Variants in AR observed in about 807,000 individuals in gnomAD.
AR encodes the protein dihydrotestosterone receptor.
A neutral mutation model predicts 53.9 loss-of-function variants in AR; 8 were observed. That is an observed-to-expected ratio of 0.15 (90% CI 0.09 to 0.27). The LOEUF (loss-of-function observed/expected upper bound fraction) is 0.27, where lower values mean the gene tolerates loss of function less well. AR is among the 10% of genes least tolerant of loss of function. The pLI, the probability that AR is intolerant of heterozygous loss-of-function variation, is 1.00. For synonymous variants in AR, 359 were observed against 316.4 expected, an observed-to-expected ratio of 1.13 and a Z score of -1.43; for missense variants, 639 against 742.5, an observed-to-expected ratio of 0.86 and a Z score of 1.62.
intron 2 of AR, among the ~76,000 whole-genome samples, chrX:67,654,150 C>A (rs1248819486): frequency 9.0e-6 from 1 of 110,577 alleles, no homozygotes; most frequent in Non-Finnish European, 1.9e-5. Context: ...CTTTTGTATG[C>A]CTCTATAAGG....
chrX:67,683,358 T>G (rs2075947208), intron 2 of AR, among the ~76,000 whole-genome samples: 1 of 111,253 alleles, frequency 9.0e-6, no homozygotes, highest in Non-Finnish European at 1.9e-5. Flanking sequence ...TTATTTTGGA[T>G]AGTTTCTTGC....
chrX:67,704,774 T>A, intron 3 of AR, among the ~76,000 whole-genome samples: 1 of 112,279 alleles, frequency 8.9e-6, no homozygotes, highest in African/African-American at 3.2e-5. Context: ...GTTTTATGGT[T>A]TTAGGTCTAA....
chrX:67,636,222 T>A (rs1925428889), intron 1 of AR, among the ~76,000 whole-genome samples: 2 of 111,155 alleles, frequency 1.8e-5, no homozygotes, highest in Middle Eastern at 9.3e-3. Flanking sequence ...GTCAATATTT[T>A]AAAAATAAGA....
intron 1 of AR, among the ~76,000 whole-genome samples, chrX:67,604,809 T>C (rs1923554358): frequency 8.9e-6 from 1 of 112,038 alleles, no homozygotes; most frequent in African/African-American, 3.2e-5. Flanking sequence ...ATAATTATGG[T>C]ACAGAATGTA....
In AR at chrX:67,609,797, A is replaced by C. The variant is rs188921337; in HGVS notation, c.1617-33459A>C. Among the ~76,000 whole-genome samples, 24 of 111,851 alleles carry C rather than the reference A, an allele frequency of 2.1e-4. No homozygotes were observed. The East Asian group carries it at 5.6e-3, about 26-fold the overall frequency. ...ATATAATTCAGACGTATTCTCCGAA[A>C]TGTTGGAAAAACTTAAGTAGGCATC... On this transcript the variant is annotated intron_variant, in intron 1 of 7. Transcript: ENST00000374690.
intron 1 of AR, among the ~76,000 whole-genome samples, chrX:67,629,584 A>T (rs1924940873): frequency 9.2e-6 from 1 of 108,990 alleles, no homozygotes; most frequent in African/African-American, 3.4e-5. Context: ...CTTTCAAAAA[A>T]CCACCTCCTG....
intron 1 of AR, among the ~76,000 whole-genome samples, chrX:67,630,384 A>T (rs1925010177): frequency 9.0e-6 from 1 of 111,406 alleles, no homozygotes; most frequent in African/African-American, 3.3e-5. Flanking sequence ...TCCCTTTACC[A>T]TTATGTAATG....
intron 3 of AR, chrX:67,695,708 C>T (rs938860949): frequency 2.7e-6 from 2 of 747,124 alleles, no homozygotes; most frequent in Non-Finnish European, 3.1e-6. Flanking sequence ...TGCCTGGGGC[C>T]TGTCTTTCCC....
intron 6 of AR, 101 bp downstream of exon 6, chrX:67,722,064 G>A (rs2076138349): frequency 1.0e-6 from 1 of 995,918 alleles, no homozygotes; most frequent in Admixed American, 2.5e-5. Context: ...CCAGCTCCTG[G>A]ACATTTCCCT....
At chrX:67,568,842 C>A in intron 1 of AR, 1 of 1,144,942 alleles carries the variant, frequency 8.7e-7, no homozygotes, top group Non-Finnish European at 1.2e-6. Flanking sequence ...CCAGTAGGTG[C>A]TGCGAGCAGA....
At chrX:67,585,098 A>G (rs186039886) in intron 1 of AR, among the ~76,000 whole-genome samples, 3 of 110,594 alleles carry the variant, frequency 2.7e-5, no homozygotes, top group East Asian at 5.8e-4. Flanking sequence ...TCTACTAAAA[A>G]TACAAAAATT....
chrX:67,692,439 C>A, intron 3 of AR, among the ~76,000 whole-genome samples: 1 of 112,410 alleles, frequency 8.9e-6, no homozygotes, highest in South Asian at 3.7e-4. Context: ...TCAACATGTG[C>A]AACTTGTGAC....
rs1929646264 is a variant in AR, at chrX:67,545,285, G to T, written c.139G>T (p.Ala47Ser). 8.3e-7 allele frequency: 1 copy of T among 1,200,681 alleles called. No homozygotes were observed. Among genetic ancestry groups the T allele is most frequent in the Non-Finnish European group, 1.1e-6 (1 of 892,030 alleles). ...CCCCAGGCACCCAGAGGCCGCGAGCGCAGCACCTCCCGGCGCCAGTTTGCT... is the reference window on the plus strand; with the variant it reads ...CCCCAGGCACCCAGAGGCCGCGAGCTCAGCACCTCCCGGCGCCAGTTTGCT... The part of the protein sequence containing the change: ...PGPRHPEAAS[A>S]APPGASLLLL... The change falls in exon 1 of 8, where the codon GCA becomes TCA. Residue 47 changes from alanine (A) to serine (S), a missense_variant. Ala to Ser is a moderately conservative substitution (Grantham distance 99). Coordinates refer to ENST00000374690, the MANE Select transcript of AR (RefSeq NM_000044.6).
At position 67,695,110 on chromosome X, in the gene AR, C is replaced by T. The variant is rs987407904; in HGVS notation, c.1885+8984C>T. ...AGCTCTGGCTCAGTCGCTTGCTTTT[C>T]GTGGTGTGCTGCCAGGAAGAAACTT... On this transcript the variant is annotated intron_variant, in intron 3 of 7. Coordinates refer to ENST00000374690, the MANE Select transcript of AR (RefSeq NM_000044.6). 2.5e-5 allele frequency: 19 copies of T among 767,126 alleles called. No homozygotes were observed. In the Admixed American group the frequency reaches 1.2e-3, roughly 47 times the overall value. The allele number at this position is 767,126 out of a possible 1,213,427, so 63.2% of individuals were successfully genotyped here.
intron 1 of AR, among the ~76,000 whole-genome samples, chrX:67,560,168 C>A (rs137975626): frequency 0.013 from 1,480 of 111,212 alleles, 33 homozygotes; most frequent in African/African-American, 0.046. Flanking sequence ...CTACCCTTCC[C>A]AATTCAGAGT....
chrX:67,651,903 C>T (rs1387358055), intron 2 of AR, among the ~76,000 whole-genome samples: 1 of 111,655 alleles, frequency 9.0e-6, no homozygotes, highest in Non-Finnish European at 1.9e-5. Flanking sequence ...TCACTGTTGT[C>T]ACACGACTAT....
chrX:67,697,612 T>A (rs1427266177), intron 3 of AR, among the ~76,000 whole-genome samples: 2 of 111,400 alleles, frequency 1.8e-5, no homozygotes, highest in African/African-American at 6.5e-5. Flanking sequence ...TTAGAAAAAG[T>A]CAGAACCTGC....
chrX:67,696,182 G>A (rs2076020358), intron 3 of AR: 2 of 711,575 alleles, frequency 2.8e-6, no homozygotes, highest in Non-Finnish European at 3.3e-6. Context: ...TGCTTTCCAG[G>A]TCATGCTGAC....
chrX:67,599,881 G>C (rs1176852023), intron 1 of AR, among the ~76,000 whole-genome samples: 1 of 111,538 alleles, frequency 9.0e-6, no homozygotes, highest in Non-Finnish European at 1.9e-5. Flanking sequence ...TGCGCATATG[G>C]AATACTTTGC....
Sources: allele counts gnomAD v4.1 joint callset (sites outside exome capture counted in the v4.1 genomes callset), GRCh38; gene constraint gnomAD v4.1.1; transcripts MANE v1.5; gene names NCBI Gene and HGNC (gene_info 2026-07-23, HGNC 2026-07-21).